The following CDK12 variants were observed in gnomAD, a reference collection of about 807,000 sequenced individuals.
The protein encoded by CDK12 is cyclin-dependent kinase 12.
In CDK12, 17 loss-of-function variants were observed where a neutral mutation model predicts 133.8. The observed-to-expected ratio is 0.13, with a 90% CI of 0.09 to 0.19. The LOEUF is 0.19. CDK12 is among the 10% of genes least tolerant of loss of function. CDK12 has a pLI of 1.00. For missense variants in CDK12, 1,508 were observed against 1,818.7 expected, an observed-to-expected ratio of 0.83 and a Z score of 3.11; for synonymous variants, 694 against 683.6, an observed-to-expected ratio of 1.02 and a Z score of -0.24.
chr17:39,559,855 G>A (rs1311677848), intron 3 of CDK12, among the ~76,000 whole-genome samples: 2 of 44,280 alleles, frequency 4.5e-5, no homozygotes, highest in East Asian at 5.6e-4. Flanking sequence ...AAGAAAAAAT[G>A]TTAAAAAAAA....
chr17:39,485,883 A>G (rs1039239502), intron 2 of CDK12, among the ~76,000 whole-genome samples: 3 of 152,128 alleles, frequency 2.0e-5, no homozygotes, highest in African/African-American at 7.2e-5. Context: ...CAAACAGACA[A>G]AAAACCATAG....
intron 2 of CDK12, among the ~76,000 whole-genome samples, chr17:39,479,373 C>T (rs1433912587): frequency 6.7e-6 from 1 of 149,022 alleles, no homozygotes; most frequent in Non-Finnish European, 1.5e-5. Flanking sequence ...TCTGTTTTAT[C>T]TTCTCACTCG....
rs2054826458 is a variant in CDK12 at position 39,531,233 on chromosome 17, C to G, written c.4390C>G (p.Gln1464Glu). ...GAGLHWGGPTQSSAYGKLYRG... is the reference protein window; with the variant it reads ...GAGLHWGGPTESSAYGKLYRG... ...AGGCCTTCACTGGGGGGGCCCAACT[C>G]AGTCTTCTGCTTATGGAAAACTCTA... is the stretch of plus-strand genomic sequence containing the variant. The change falls in exon 14 of 14, where the codon CAG (glutamine) becomes GAG (glutamate). Residue 1464 changes from glutamine to glutamate, a missense_variant. Gln to Glu is a conservative substitution (Grantham distance 29). Transcript: ENST00000447079. The G allele has an allele frequency of 6.6e-7, 1 of 1,515,128 alleles. No homozygotes were observed. The highest frequency in any genetic ancestry group is 1.4e-5 in the South Asian group (1 of 73,958). 93.9% of individuals were successfully genotyped at this position (1,515,128 alleles called of 1,614,324 possible).
rs1159197150 is a variant in CDK12, at chr17:39,463,131, C to G, written c.1046+14C>G. On this transcript the variant is annotated intron_variant, in intron 1 of 13. Coordinates refer to ENST00000447079, the MANE Select transcript of CDK12 (RefSeq NM_016507.4). Reference sequence around the variant, plus strand: ...TCCACTCCCCAGGTGAGCTATTTGTCTAACAGTCCTTCCTCATTTAGGGTG... The same window carrying G: ...TCCACTCCCCAGGTGAGCTATTTGTGTAACAGTCCTTCCTCATTTAGGGTG... 6.2e-7 allele frequency: 1 copy of G among 1,606,860 alleles called. No homozygotes were observed. Among genetic ancestry groups the G allele is most frequent in the Non-Finnish European group, 8.5e-7 (1 of 1,175,430 alleles).
chr17:39,509,832 T>C, intron 7 of CDK12, 71 bp downstream of exon 7: 1 of 1,194,520 alleles, frequency 8.4e-7, no homozygotes, highest in South Asian at 1.2e-5. Context: ...GGCAGGATCT[T>C]ATTCTGTTGC....
intron 2 of CDK12, among the ~76,000 whole-genome samples, chr17:39,479,136 G>A (rs943107933): frequency 2.6e-5 from 4 of 151,688 alleles, no homozygotes; most frequent in Non-Finnish European, 5.9e-5. Context: ...ATGAAACCCC[G>A]TCTCTACTAA....
chr17:39,526,837 C>CTA (rs2146736083), intron 13 of CDK12, among the ~76,000 whole-genome samples: 1 of 152,274 alleles, frequency 6.6e-6, no homozygotes, highest in South Asian at 2.1e-4. Flanking sequence ...ATAATTAACA[C>CTA]TATACATTTC....
chr17:39,510,114 CTTTTTTTTTT>C (rs762953806), intron 7 of CDK12, among the ~76,000 whole-genome samples: 2 of 125,480 alleles, frequency 1.6e-5, no homozygotes, highest in African/African-American at 3.2e-5. Flanking sequence ...CAATCTCTCT[CTTTTTTTTTT>C]TTTTTTTTTT....
At chr17:39,494,744 C>T (rs2145918076) in intron 5 of CDK12, 50 bp downstream of exon 5, 8 of 1,265,288 alleles carry the variant, frequency 6.3e-6, no homozygotes, top group Middle Eastern at 2.2e-4. Flanking sequence ...CCAATCTTTG[C>T]CTTTCTTTTT....
At chr17:39,540,787 G>T (rs2055371097) in intron 1 of CDK12, among the ~76,000 whole-genome samples, 1 of 152,144 alleles carries the variant, frequency 6.6e-6, no homozygotes, top group South Asian at 2.1e-4. Flanking sequence ...GCAGGCGGGG[G>T]TCTTCCCGAA....
At chr17:39,519,325 T>G (rs1260397587) in intron 10 of CDK12, among the ~76,000 whole-genome samples, 2 of 77,482 alleles carry the variant, frequency 2.6e-5, no homozygotes, top group Non-Finnish European at 5.9e-5. Context: ...TTTTTTTTTT[T>G]GAGACCGTCT....
chr17:39,526,331 C>A lies in CDK12; in HGVS notation c.3760+15C>A, dbSNP rs368648082. The A allele has an allele frequency of 2.6e-6, 4 of 1,554,760 alleles. No individual in the cohort carries two copies. In the South Asian group the frequency reaches 3.5e-5, roughly 14 times the overall value. ...GGAGGCAGCAGGTAAACAGACCGGT[C>A]ATGAATCTCATTGAGCTCAGGTGCT... On this transcript the variant is annotated intron_variant, in intron 13 of 13. Transcript: ENST00000447079.
At chr17:39,511,214 C>CAA (rs59984042) in intron 7 of CDK12, among the ~76,000 whole-genome samples, 26 of 74,812 alleles carry the variant, frequency 3.5e-4, no homozygotes, top group African/African-American at 3.6e-4. Flanking sequence ...GACACCGTCT[C>CAA]AAAAAAAAAA....
chr17:39,497,917 G>A (rs996355192), intron 5 of CDK12, among the ~76,000 whole-genome samples: 2 of 151,802 alleles, frequency 1.3e-5, no homozygotes, highest in Non-Finnish European at 2.9e-5. Flanking sequence ...TGTCATTTTG[G>A]ATTATATTCC....
At chr17:39,500,969 C>T (rs527436869) in intron 5 of CDK12, among the ~76,000 whole-genome samples, 1 of 152,124 alleles carries the variant, frequency 6.6e-6, no homozygotes, top group African/African-American at 2.4e-5. Context: ...CTCCTGACCT[C>T]AAGTGACCCG....
chr17:39,508,811 A>G (rs1240217565), intron 6 of CDK12, among the ~76,000 whole-genome samples: 2 of 152,072 alleles, frequency 1.3e-5, no homozygotes, highest in Admixed American at 6.6e-5. Flanking sequence ...CCTAGGCAAC[A>G]TAGGGGAACT....
upstream of CDK12, among the ~76,000 whole-genome samples, chr17:39,545,071 T>C (rs1567809242): frequency 6.6e-6 from 1 of 152,230 alleles, no homozygotes; most frequent in Non-Finnish European, 1.5e-5. Context: ...ACCCCCTTTC[T>C]TGGCATTCCT....
Position 39,462,556 on chromosome 17 carries a change from G to A in CDK12, c.485G>A (p.Gly162Glu). ...TCGAATGAGGAGACTGATGACTATG[G>A]GAAGGCGCAGGTAGCCAAAAGCAGC... The part of the protein sequence containing the change: ...KRSNEETDDY[G>E]KAQVAKSSSK... Residue 162 changes from glycine (G) to glutamate (E), a missense_variant, in exon 1 of 14, where the codon GGG becomes GAG. Gly to Glu is a moderately conservative substitution (Grantham distance 98). Around this residue, in one of 9 missense-constraint regions of CDK12, gnomAD observed 460 missense variants for 490.8 expected, o/e 0.94. Transcript: ENST00000447079. 6.2e-7 allele frequency: 1 copy of A among 1,614,164 alleles called. No individual in the cohort carries two copies. The highest frequency in any genetic ancestry group is 1.3e-5 in the African/African-American group (1 of 75,052).
intron 13 of CDK12, among the ~76,000 whole-genome samples, chr17:39,528,020 A>G (rs1045772042): frequency 4.0e-5 from 6 of 151,728 alleles, no homozygotes; most frequent in African/African-American, 1.5e-4. Flanking sequence ...GGTTCAAGCA[A>G]TTCTCCTGCC....
Sources: allele counts gnomAD v4.1 joint callset (sites outside exome capture counted in the v4.1 genomes callset), GRCh38; gene constraint gnomAD v4.1.1; regional missense constraint gnomAD v4.1.1; transcripts MANE v1.5; gene names NCBI Gene and HGNC (gene_info 2026-07-23, HGNC 2026-07-21).